The following KLHL1 variants were observed in gnomAD, a reference collection of about 807,000 sequenced individuals.
The protein encoded by KLHL1 is kelch-like protein 1.
KLHL1 carries 47 observed loss-of-function variants against 77.7 expected under a neutral mutation model. The observed-to-expected ratio is 0.60, with a 90% CI of 0.48 to 0.77. The LOEUF (loss-of-function observed/expected upper bound fraction) is 0.77, where lower values mean the gene tolerates loss of function less well. Among genes scored for constraint, KLHL1 ranks in the 30% least tolerant of loss-of-function variants. KLHL1 has a pLI of 0.00. For missense variants in KLHL1, 925 were observed against 910.8 expected (o/e 1.02, Z -0.20); for synonymous variants, 360 against 325.2 (o/e 1.11, Z -1.15).
At chr13:69,883,162 C>A (rs559766539) in intron 4 of KLHL1, among the ~76,000 whole-genome samples, 1 of 152,152 alleles carries the variant, frequency 6.6e-6, no homozygotes, top group African/African-American at 2.4e-5. Flanking sequence ...ATCATGATGA[C>A]AGAATAATAT....
At chr13:69,764,551 G>GA (rs1041041073) in intron 7 of KLHL1, among the ~76,000 whole-genome samples, 7 of 151,890 alleles carry the variant, frequency 4.6e-5, no homozygotes, top group Admixed American at 3.3e-4. Context: ...ATGGCACAAA[G>GA]AAAAAATACT....
At chr13:69,791,329 G>C (rs1057320429) in intron 7 of KLHL1, among the ~76,000 whole-genome samples, 2 of 151,940 alleles carry the variant, frequency 1.3e-5, no homozygotes, top group Non-Finnish European at 2.9e-5. Context: ...AAGATTGGAA[G>C]ATTTATTTTT....
chr13:69,927,132 A>C (rs1340148859), intron 4 of KLHL1, among the ~76,000 whole-genome samples: 1 of 152,090 alleles, frequency 6.6e-6, no homozygotes, highest in Non-Finnish European at 1.5e-5. Flanking sequence ...ATCTTGGTGA[A>C]AATTCCATGG....
At chr13:69,714,857 G>A (rs974015088) in intron 9 of KLHL1, among the ~76,000 whole-genome samples, 1 of 152,004 alleles carries the variant, frequency 6.6e-6, no homozygotes, top group Non-Finnish European at 1.5e-5. Context: ...GCCTCCAAAG[G>A]TGCCAGTATT....
At chr13:69,927,991 T>C (rs1233953795) in intron 4 of KLHL1, among the ~76,000 whole-genome samples, 2 of 152,200 alleles carry the variant, frequency 1.3e-5, no homozygotes, top group African/African-American at 2.4e-5. Flanking sequence ...TGGACAGAAA[T>C]ATAATTAAGC....
chr13:69,883,928 C>A (rs562084884), intron 4 of KLHL1, among the ~76,000 whole-genome samples: 14 of 152,244 alleles, frequency 9.2e-5, no homozygotes, highest in African/African-American at 3.4e-4. Context: ...TTCTCAGGTT[C>A]TAGTTTTAAA....
chr13:69,994,163 C>T (rs554812675), intron 1 of KLHL1, among the ~76,000 whole-genome samples: 132 of 152,110 alleles, frequency 8.7e-4, no homozygotes, highest in African/African-American at 3.1e-3. Context: ...TCGGGACAAG[C>T]ATATGGAAGA....
intron 4 of KLHL1, among the ~76,000 whole-genome samples, chr13:69,929,071 A>T (rs1254371195): frequency 3.9e-5 from 6 of 152,112 alleles, no homozygotes; most frequent in Non-Finnish European, 8.8e-5. Context: ...TATCAACATT[A>T]TCCAGACATG....
chr13:69,845,134 G>C (rs139573314), intron 5 of KLHL1, among the ~76,000 whole-genome samples: 16 of 151,672 alleles, frequency 1.1e-4, no homozygotes, highest in Admixed American at 3.3e-4. Flanking sequence ...CAGTGCAAAG[G>C]CTGCTTTAAA....
intron 1 of KLHL1, among the ~76,000 whole-genome samples, chr13:70,067,379 T>C (rs1256100187): frequency 6.6e-6 from 1 of 152,174 alleles, no homozygotes; most frequent in Non-Finnish European, 1.5e-5. Flanking sequence ...TATTGATATC[T>C]ATGTTTTAGG....
At chr13:69,899,125 GA>G (rs889592445) in intron 4 of KLHL1, among the ~76,000 whole-genome samples, 120 of 150,944 alleles carry the variant, frequency 7.9e-4, no homozygotes, top group African/African-American at 2.7e-3. Flanking sequence ...AATATATCCA[GA>G]AAAAAAATGA....
intron 8 of KLHL1, among the ~76,000 whole-genome samples, chr13:69,725,782 A>G (rs1418033820): frequency 1.3e-5 from 2 of 152,174 alleles, no homozygotes; most frequent in Non-Finnish European, 2.9e-5. Flanking sequence ...ATATTAACAA[A>G]TACCTCCCAC....
chr13:69,708,683 A>G (rs1267330601), intron 9 of KLHL1, among the ~76,000 whole-genome samples: 1 of 152,068 alleles, frequency 6.6e-6, no homozygotes, highest in African/African-American at 2.4e-5. Flanking sequence ...TATTTTGAGT[A>G]GCAAAACCCT....
At chr13:69,983,308 A>C (rs540152363) in intron 1 of KLHL1, among the ~76,000 whole-genome samples, 2 of 152,090 alleles carry the variant, frequency 1.3e-5, no homozygotes, top group Non-Finnish European at 2.9e-5. Flanking sequence ...TCACTATCAA[A>C]ATACTAATGA....
chr13:69,780,699 TATG>T (rs1876107535), intron 7 of KLHL1, among the ~76,000 whole-genome samples: 1 of 16,494 alleles, frequency 6.1e-5, no homozygotes, highest in Non-Finnish European at 1.1e-4. Flanking sequence ...TATATATATA[TATG>T]TATATATATA....
chr13:69,726,586 G>GAGGT (rs2137906584), intron 8 of KLHL1, among the ~76,000 whole-genome samples: 1 of 152,260 alleles, frequency 6.6e-6, no homozygotes, highest in South Asian at 2.1e-4. Context: ...GCTGGTAAAT[G>GAGGT]AGGTTCTGAA....
intron 5 of KLHL1, among the ~76,000 whole-genome samples, chr13:69,854,879 C>T (rs1334500216): frequency 2.0e-5 from 3 of 151,918 alleles, no homozygotes; most frequent in Non-Finnish European, 4.4e-5. Context: ...AATTGTAACA[C>T]CCAGTTTTTC....
At chr13:69,786,093 T>C (rs903042508) in intron 7 of KLHL1, among the ~76,000 whole-genome samples, 1 of 152,198 alleles carries the variant, frequency 6.6e-6, no homozygotes, top group Non-Finnish European at 1.5e-5. Context: ...GAGGAGCTGG[T>C]ACCATTCCTT....
intron 1 of KLHL1, among the ~76,000 whole-genome samples, chr13:70,051,739 C>G (rs1030379519): frequency 6.6e-6 from 1 of 151,874 alleles, no homozygotes; most frequent in African/African-American, 2.4e-5. Context: ...TGGGTCATTC[C>G]AACCTGTGAT....
Sources: gnomAD v4.1 joint callset for allele counts (sites outside exome capture counted in the v4.1 genomes callset) on GRCh38, gnomAD v4.1.1 for gene constraint, MANE v1.5 for transcripts, NCBI Gene and HGNC (gene_info 2026-07-23, HGNC 2026-07-21) for gene names.